Variants in CRY1 observed in about 807,000 individuals in gnomAD.
CRY1 encodes cryptochrome-1.
In CRY1, 45 loss-of-function variants were observed where a neutral mutation model predicts 76.0. The ratio of observed to expected loss-of-function variants is 0.59; its 90% CI spans 0.47 to 0.76. CRY1 has a LOEUF of 0.76. Among genes scored for constraint, CRY1 ranks in the 30% least tolerant of loss-of-function variants. CRY1 has a pLI of 0.00. For missense variants in CRY1, 587 were observed against 716.4 expected (o/e 0.82, Z 2.06); for synonymous variants, 248 against 244.0 (o/e 1.02, Z -0.15).
intron 1 of CRY1, among the ~76,000 whole-genome samples, chr12:107,030,093 C>T (rs186619457): frequency 3.7e-4 from 56 of 152,208 alleles, no homozygotes; most frequent in African/African-American, 1.3e-3. Flanking sequence ...CTGTCCAATT[C>T]CTGACATATA....
At chr12:107,001,982 TA>T in intron 3 of CRY1, 34 bp from the exon 4 acceptor site, 1 of 1,520,178 alleles carries the variant, frequency 6.6e-7, no homozygotes, top group Non-Finnish European at 8.8e-7. Context: ...TAGTTAGTAT[TA>T]AAAAAGACAA....
chr12:107,048,529 G>A (rs1952876009), intron 1 of CRY1, among the ~76,000 whole-genome samples: 1 of 152,034 alleles, frequency 6.6e-6, no homozygotes, highest in African/African-American at 2.4e-5. Context: ...CTGTTTATCT[G>A]TCCTCTCCTT....
At chr12:106,993,851 AAGTT>A (rs1250812977) in intron 10 of CRY1, among the ~76,000 whole-genome samples, 1 of 152,180 alleles carries the variant, frequency 6.6e-6, no homozygotes, top group African/African-American at 2.4e-5. Flanking sequence ...AAAAACCTAA[AAGTT>A]AAATAAAAAC....
rs1194595414 is a variant in CRY1, at chr12:107,007,002, A to AT, written c.268-1755dup. On this transcript the variant is annotated intron_variant, in intron 2 of 12. Transcript: ENST00000008527. ...GGAAAAAAATAGTATCTCATTAAAAATTTTTTCCTTTCTTAAAAGTCCTGA... is the reference window on the plus strand; with the variant it reads ...GGAAAAAAATAGTATCTCATTAAAAATTTTTTTCCTTTCTTAAAAGTCCTGA... 3.9e-5 allele frequency among the ~76,000 whole-genome samples: 6 copies of AT among 152,222 alleles called. No homozygotes were observed. The South Asian group carries it at 1.0e-3, about 26-fold the overall frequency.
chr12:107,059,529 A>G (rs1204745276), intron 1 of CRY1, among the ~76,000 whole-genome samples: 1 of 151,866 alleles, frequency 6.6e-6, no homozygotes, highest in African/African-American at 2.4e-5. Context: ...TTGAGATTAC[A>G]GGCATGAGCT....
chr12:107,056,056 T>G (rs1053040456), intron 1 of CRY1, among the ~76,000 whole-genome samples: 1 of 152,142 alleles, frequency 6.6e-6, no homozygotes, highest in Non-Finnish European at 1.5e-5. Flanking sequence ...GTCGAACATA[T>G]AATTAGTTTT....
chr12:107,055,589 TG>T (rs1347929306), intron 1 of CRY1, among the ~76,000 whole-genome samples: 1 of 151,986 alleles, frequency 6.6e-6, no homozygotes, highest in Non-Finnish European at 1.5e-5. Flanking sequence ...TAACACATTC[TG>T]AAATAAAAAA....
intron 1 of CRY1, chr12:107,050,051 A>G (rs1952900751): frequency 6.6e-6 from 1 of 152,238 alleles, no homozygotes; most frequent in African/African-American, 2.4e-5. Flanking sequence ...AAGGAGATAA[A>G]GAAAATGGAG....
At position 107,006,638 on chromosome 12, in the gene CRY1, C is replaced by CGTTTTTTTTT. The variant is rs71076707; in HGVS notation, c.268-1391_268-1390insAAAAAAAAAC. ...CTTGCCAATAATATGTATTAGTAATCTTTTTTTTTTTTTTTTTTAGATGAC... is the reference window on the plus strand; with the variant it reads ...CTTGCCAATAATATGTATTAGTAATCGTTTTTTTTTTTTTTTTTTTTTTTTTTTAGATGAC... On this transcript the variant is annotated intron_variant, in intron 2 of 12. Coordinates refer to ENST00000008527, the MANE Select transcript of CRY1 (RefSeq NM_004075.5). Among the ~76,000 whole-genome samples, 5 of 137,100 alleles carry CGTTTTTTTTT rather than the reference C, an allele frequency of 3.6e-5. 1 individual carries two copies. Among genetic ancestry groups the CGTTTTTTTTT allele is most frequent in the African/African-American group, 5.5e-5 (2 of 36,072 alleles). 89.9% of individuals were successfully genotyped at this position (137,100 alleles called of 152,430 possible). A position where few individuals can be genotyped will look rare whatever the true frequency, so the allele number is the denominator to read the frequency against.
chr12:107,022,470 AAAG>A lies in CRY1; in HGVS notation c.159-281_159-279del, dbSNP rs544786824. 2.8e-3 allele frequency among the ~76,000 whole-genome samples: 426 copies of A among 152,216 alleles called. 2 individuals carry two copies. Among genetic ancestry groups the A allele is most frequent in the Middle Eastern group, 6.8e-3 (2 of 294 alleles). ...TTAATTTGTGAACATAAAAACATAC[AAAG>A]AAGTATCAAAGCAATTAAATTGGTT... On this transcript the variant is annotated intron_variant, in intron 1 of 12. Transcript: ENST00000008527.
chr12:107,060,744 C>T (rs191526243), intron 1 of CRY1, among the ~76,000 whole-genome samples: 63 of 151,982 alleles, frequency 4.1e-4, no homozygotes, highest in Admixed American at 3.9e-3. Flanking sequence ...TAATCCCAGC[C>T]GAGGTGGGCG....
chr12:107,064,482 T>C (rs919036081), intron 1 of CRY1, among the ~76,000 whole-genome samples: 3 of 152,296 alleles, frequency 2.0e-5, no homozygotes, highest in East Asian at 1.9e-4. Context: ...GTCTCATATA[T>C]AGTCAGTGAG....
chr12:106,996,302 C>T (rs900624377), intron 10 of CRY1, among the ~76,000 whole-genome samples: 3 of 152,126 alleles, frequency 2.0e-5, no homozygotes, highest in Non-Finnish European at 2.9e-5. Context: ...AACATGATCT[C>T]GTTCCTTTTT....
intron 1 of CRY1, among the ~76,000 whole-genome samples, chr12:107,083,578 C>T (rs1164956114): frequency 1.3e-5 from 2 of 152,102 alleles, no homozygotes. Flanking sequence ...TAAACAGAAC[C>T]AATGACAAAA....
At chr12:107,006,549 A>G (rs1197532504) in intron 2 of CRY1, among the ~76,000 whole-genome samples, 1 of 152,086 alleles carries the variant, frequency 6.6e-6, no homozygotes, top group Non-Finnish European at 1.5e-5. Context: ...CAAATTATGT[A>G]CCAGAAAGAC....
chr12:107,058,533 A>C (rs1020649910), intron 1 of CRY1, among the ~76,000 whole-genome samples: 7 of 152,230 alleles, frequency 4.6e-5, no homozygotes, highest in Non-Finnish European at 1.0e-4. Flanking sequence ...TACTTTCCTC[A>C]GGAAGGTAAC....
chr12:107,059,188 T>C (rs370439036), intron 1 of CRY1, among the ~76,000 whole-genome samples: 12 of 152,364 alleles, frequency 7.9e-5, no homozygotes, highest in African/African-American at 2.9e-4. Flanking sequence ...TCTATTTCAT[T>C]ATTTTTAATG....
intron 2 of CRY1, among the ~76,000 whole-genome samples, chr12:107,006,235 C>G (rs1207797413): frequency 6.6e-6 from 1 of 151,884 alleles, no homozygotes; most frequent in East Asian, 1.9e-4. Flanking sequence ...AAAATAAAAT[C>G]ATTAGCTGGG....
chr12:107,074,334 T>TA (rs1364778450), intron 1 of CRY1, among the ~76,000 whole-genome samples: 1 of 152,220 alleles, frequency 6.6e-6, no homozygotes, highest in African/African-American at 2.4e-5. Flanking sequence ...GTCATTCTAT[T>TA]ACAGCCTTTT....
Sources: allele counts gnomAD v4.1 joint callset (sites outside exome capture counted in the v4.1 genomes callset), GRCh38; gene constraint gnomAD v4.1.1; transcripts MANE v1.5; gene names NCBI Gene and HGNC (gene_info 2026-07-23, HGNC 2026-07-21).